The following USP37 variants were observed in gnomAD, a reference collection of about 807,000 sequenced individuals.
The protein encoded by USP37 is ubiquitin carboxyl-terminal hydrolase 37.
In USP37, 27 loss-of-function variants were observed where a neutral mutation model predicts 124.0. The ratio of observed to expected loss-of-function variants is 0.22; its 90% CI spans 0.16 to 0.30. USP37 has a LOEUF of 0.30. USP37 is among the 10% of genes least tolerant of loss of function. The pLI is 1.00. For missense variants in USP37, 889 were observed against 1,140.4 expected, an observed-to-expected ratio of 0.78 and a Z score of 3.17; for synonymous variants, 365 against 388.0, an observed-to-expected ratio of 0.94 and a Z score of 0.70.
At chr2:218,538,516 C>T (rs1691783847) in intron 8 of USP37, among the ~76,000 whole-genome samples, 1 of 152,200 alleles carries the variant, frequency 6.6e-6, no homozygotes, top group Non-Finnish European at 1.5e-5. Flanking sequence ...TTGTCCAGTG[C>T]ATGTCAGCCA....
intron 8 of USP37, among the ~76,000 whole-genome samples, chr2:218,535,419 A>G (rs997924849): frequency 2.3e-4 from 35 of 151,466 alleles, no homozygotes; most frequent in African/African-American, 8.0e-4. Flanking sequence ...GTTTACAAAG[A>G]AAAACAAATC....
intron 20 of USP37, among the ~76,000 whole-genome samples, chr2:218,469,749 A>G (rs1690565750): frequency 6.6e-6 from 1 of 152,044 alleles, no homozygotes; most frequent in African/African-American, 2.4e-5. Context: ...TGGCCATGAA[A>G]TAATAATCCA....
intron 14 of USP37, among the ~76,000 whole-genome samples, chr2:218,492,881 C>T (rs535848096): frequency 1.8e-4 from 28 of 152,014 alleles, no homozygotes; most frequent in Non-Finnish European, 3.2e-4. Context: ...GGCATGTGCT[C>T]GTAGTCCTGG....
chr2:218,477,180 T>C (rs1238057514), intron 18 of USP37, among the ~76,000 whole-genome samples, 199 bp from the exon 19 acceptor site: 1 of 152,242 alleles, frequency 6.6e-6, no homozygotes, highest in Non-Finnish European at 1.5e-5. Flanking sequence ...GGACAACTCT[T>C]ATGCTACTAC....
intron 23 of USP37, 92 bp downstream of exon 23, chr2:218,459,698 G>A: frequency 2.0e-6 from 2 of 1,016,622 alleles, no homozygotes; most frequent in Non-Finnish European, 2.9e-6. Flanking sequence ...AAATGAACCT[G>A]CAGTGGACAC....
chr2:218,453,345 C>G lies in USP37; in HGVS notation c.*1585G>C, dbSNP rs1489815030. 6.6e-6 allele frequency: 1 copy of G among 151,982 alleles called. No individual in the cohort carries two copies. The highest frequency in any genetic ancestry group is 1.5e-5 in the Non-Finnish European group (1 of 68,012). 9.4% of individuals were successfully genotyped at this position (151,982 alleles called of 1,614,324 possible). ...TGATGCGATCTCAGCTCACTGCAAC[C>G]TCTGCCTCCTGGGTTCAAGTGATTC... On this transcript the variant is annotated 3_prime_UTR_variant, in exon 26 of 26. Coordinates refer to ENST00000258399, the MANE Select transcript of USP37 (RefSeq NM_020935.3).
intron 10 of USP37, among the ~76,000 whole-genome samples, chr2:218,517,092 G>C (rs1414623777): frequency 6.6e-6 from 1 of 152,168 alleles, no homozygotes; most frequent in Non-Finnish European, 1.5e-5. Context: ...TTATGAACTA[G>C]AGTACAATAT....
intron 14 of USP37, among the ~76,000 whole-genome samples, chr2:218,493,412 T>C (rs1688903447): frequency 6.6e-6 from 1 of 152,194 alleles, no homozygotes; most frequent in South Asian, 2.1e-4. Context: ...CTGGGTGCTG[T>C]ACAATTAAAG....
chr2:218,482,012 T>C (rs1388863906), intron 17 of USP37, 58 bp downstream of exon 17: 4 of 1,507,804 alleles, frequency 2.7e-6, no homozygotes, highest in Non-Finnish European at 2.7e-6. Context: ...TTTGATTAGA[T>C]ACTAAAGCCT....
chr2:218,544,386 C>CAAAAA lies in USP37; in HGVS notation c.680+1830_680+1834dup, dbSNP rs1163366372. Among the ~76,000 whole-genome samples, 205 of 25,782 alleles carry CAAAAA rather than the reference C, an allele frequency of 8.0e-3. 50 individuals are homozygous for CAAAAA. Among genetic ancestry groups the CAAAAA allele is most frequent in the African/African-American group, 0.071 (188 of 2,650 alleles). The allele number at this position is 25,782 out of a possible 152,430, so 16.9% of individuals were successfully genotyped here. A position where few individuals can be genotyped will look rare whatever the true frequency, so the allele number is the denominator to read the frequency against. ...GGTGACAGAACAAGACTCCGTTTCA[C>CAAAAA]AAAAAAAAAAAAAAAAAAAAATATA... On this transcript the variant is annotated intron_variant, in intron 8 of 25. Transcript: ENST00000258399.
intron 10 of USP37, among the ~76,000 whole-genome samples, chr2:218,519,731 A>G (rs1037826014): frequency 1.3e-5 from 2 of 151,766 alleles, no homozygotes; most frequent in Non-Finnish European, 2.9e-5. Flanking sequence ...CTGAGGTAGA[A>G]GAATAGCATG....
At chr2:218,463,217 C>T (rs1690121859) in intron 22 of USP37, 89 bp downstream of exon 22, 1 of 693,372 alleles carries the variant, frequency 1.4e-6, no homozygotes, top group Non-Finnish European at 2.3e-6. Flanking sequence ...CACACACACA[C>T]ACACACACAC....
chr2:218,551,725 A>G (rs1003324869), intron 5 of USP37, among the ~76,000 whole-genome samples: 2 of 152,236 alleles, frequency 1.3e-5, no homozygotes, highest in Non-Finnish European at 2.9e-5. Context: ...AAGATGAAAT[A>G]AAACTAAAAC....
chr2:218,546,278 A>G lies in USP37; in HGVS notation c.623T>C (p.Met208Thr). ...ATTCAATTCTGAGCCAGTTGATATCATTCTTTTCCTCTTTTCAGTACTACA... is the reference window on the plus strand; with the variant it reads ...ATTCAATTCTGAGCCAGTTGATATCGTTCTTTTCCTCTTTTCAGTACTACA... ...LENRTEKRKR[M>T]ISTGSELNED... is the part of the protein sequence containing the mutation. The change falls in exon 8 of 26, where the codon ATG becomes ACG. Residue 208 changes from methionine (M) to threonine (T), a missense_variant. By Grantham distance (81) the Met-to-Thr change is moderately conservative. Around this residue, in one of 3 missense-constraint regions of USP37, gnomAD observed 374 missense variants for 386.0 expected, o/e 0.97. Coordinates refer to ENST00000258399, the MANE Select transcript of USP37 (RefSeq NM_020935.3). 1.2e-6 allele frequency: 2 copies of G among 1,612,892 alleles called. No individual in the cohort carries two copies. The highest frequency in any genetic ancestry group is 2.2e-5 in the East Asian group (1 of 44,822).
chr2:218,557,650 T>A (rs1174314028), intron 4 of USP37, among the ~76,000 whole-genome samples: 7 of 146,974 alleles, frequency 4.8e-5, no homozygotes, highest in African/African-American at 1.8e-4. Flanking sequence ...ATATCTTGGC[T>A]GGGCGCGGTG....
intron 8 of USP37, among the ~76,000 whole-genome samples, chr2:218,541,507 T>G (rs1691973201): frequency 6.6e-6 from 1 of 152,158 alleles, no homozygotes; most frequent in Non-Finnish European, 1.5e-5. Flanking sequence ...GACAAGCACA[T>G]GGTGACCAAA....
intron 8 of USP37, 64 bp downstream of exon 8, chr2:218,546,157 T>G (rs1402526508): frequency 1.5e-6 from 2 of 1,306,338 alleles, no homozygotes; most frequent in African/African-American, 1.5e-5. Flanking sequence ...TCTTCCCCAG[T>G]GGTTACAAAT....
At position 218,463,322 on chromosome 2, in the gene USP37, G is replaced by C; in HGVS notation, c.2511C>G (p.Thr837=). 1 of 1,612,912 alleles carries C rather than the reference G, an allele frequency of 6.2e-7. No homozygotes were observed. The highest frequency in any genetic ancestry group is 1.1e-5 in the South Asian group (1 of 91,058). ...QKEDDDLKRA[T]ELSLQEFNNS... is the part of the protein sequence containing the mutation. ...TCTCCACACCTTGAAGACTTAACTCGGTAGCTCTTTTGAGGTCATCATCTT... is the reference window on the plus strand; with the variant it reads ...TCTCCACACCTTGAAGACTTAACTCCGTAGCTCTTTTGAGGTCATCATCTT... Residue 837 remains threonine (T), a synonymous_variant, in exon 22 of 26, where the codon ACC becomes ACG. Transcript: ENST00000258399.
intron 11 of USP37, among the ~76,000 whole-genome samples, chr2:218,508,925 T>C (rs969682361): frequency 6.6e-6 from 1 of 152,198 alleles, no homozygotes; most frequent in African/African-American, 2.4e-5. Flanking sequence ...TTGAGTGAGA[T>C]TAAAAACAAA....
Sources: gnomAD v4.1 joint callset for allele counts (sites outside exome capture counted in the v4.1 genomes callset) on GRCh38, gnomAD v4.1.1 for gene constraint, gnomAD v4.1.1 regional missense constraint, MANE v1.5 for transcripts, NCBI Gene and HGNC (gene_info 2026-07-23, HGNC 2026-07-21) for gene names.